Variants in RNF166 observed in about 807,000 individuals in gnomAD.
RNF166 encodes ring finger protein 166, also known as E3 ubiquitin-protein ligase RNF166.
RNF166 carries 19 observed loss-of-function variants against 29.4 expected under a neutral mutation model. The ratio of observed to expected loss-of-function variants is 0.65; its 90% CI spans 0.45 to 0.95. The LOEUF is 0.95. Among genes scored for constraint, RNF166 ranks in the 40% least tolerant of loss-of-function variants. RNF166 has a pLI of 0.00. For synonymous variants in RNF166, 171 were observed against 134.5 expected, an observed-to-expected ratio of 1.27 and a Z score of -1.88; for missense variants, 347 against 322.1, an observed-to-expected ratio of 1.08 and a Z score of -0.59.
At chr16:88,701,148 C>G (rs890442275) in intron 2 of RNF166, 114 bp downstream of exon 2, 6 of 1,380,746 alleles carry the variant, frequency 4.3e-6, no homozygotes, top group Middle Eastern at 2.4e-4. Flanking sequence ...GCAGAGACCG[C>G]GATTACTCAA....
rs1910018760 is a variant in RNF166, at chr16:88,699,738, A to T, written c.313-6T>A. The T allele has an allele frequency of 6.2e-7, 1 of 1,609,698 alleles. No individual in the cohort carries two copies. Among genetic ancestry groups the T allele is most frequent in the East Asian group, 2.2e-5 (1 of 44,768 alleles). ...CTCATCTTTGCCAGGGTCACCTAGG[A>T]GACAGGGCAGGGAGGGCAAGGCGGT... is the stretch of plus-strand genomic sequence containing the variant. On this transcript the variant is annotated splice_polypyrimidine_tract_variant and splice_region_variant and intron_variant, in intron 2 of 5. Coordinates refer to ENST00000312838, the MANE Select transcript of RNF166 (RefSeq NM_178841.4).
At chr16:88,699,803 C>G in intron 2 of RNF166, 71 bp from the exon 3 acceptor site, 2 of 1,101,218 alleles carry the variant, frequency 1.8e-6, no homozygotes, top group Non-Finnish European at 2.7e-6. Context: ...AGGCCGAGAC[C>G]TCAGGTGTCC....
At chr16:88,698,915 C>G (rs1909917366) in intron 4 of RNF166, 56 bp downstream of exon 4, 1 of 1,337,944 alleles carries the variant, frequency 7.5e-7, no homozygotes, top group Non-Finnish European at 1.0e-6. Flanking sequence ...GGGCCTTGTA[C>G]TGTCCCCCAC....
At chr16:88,698,366 ATG>A in intron 5 of RNF166, 134 bp downstream of exon 5, 1 of 755,892 alleles carries the variant, frequency 1.3e-6, no homozygotes, top group South Asian at 1.5e-5. Flanking sequence ...ACCTGGGGGA[ATG>A]TGGCCACCTG....
At chr16:88,703,816 A>T (rs45440295) in intron 1 of RNF166, 379,574 of 985,262 alleles carry the variant, frequency 0.39, 77,282 homozygotes, top group Non-Finnish European at 0.42. Context: ...TGGCCGCTGC[A>T]CAAGCTGAGA....
At chr16:88,700,701 G>C in intron 2 of RNF166, 3 of 987,580 alleles carry the variant, frequency 3.0e-6, no homozygotes, top group Non-Finnish European at 3.6e-6. Context: ...ATGTGCCAGG[G>C]AGGGCCACGG....
At chr16:88,702,580 A>T (rs1032289068) in intron 1 of RNF166, among the ~76,000 whole-genome samples, 1 of 152,160 alleles carries the variant, frequency 6.6e-6, no homozygotes, top group Admixed American at 6.5e-5. Context: ...AAAGGTGGCC[A>T]AGCAGGCATC....
intron 2 of RNF166, chr16:88,700,479 G>C (rs1910105034): frequency 2.4e-6 from 1 of 420,710 alleles, no homozygotes; most frequent in South Asian, 9.8e-5. Context: ...CACCACTCTG[G>C]AGTCCAGGGC....
rs778339042 is a variant in RNF166, at chr16:88,699,721, T to C, written c.324A>G (p.Ala108=). Residue 108 remains alanine, a synonymous_variant, in exon 3 of 6, where the codon GCA becomes GCG. Coordinates refer to ENST00000312838, the MANE Select transcript of RNF166 (RefSeq NM_178841.4). ...CRGCNKKVTL[A]KMRVHISSCL... ...AGGACGAAATGTGCACTCTCATCTT[T>C]GCCAGGGTCACCTAGGAGACAGGGC... The C allele has an allele frequency of 2.5e-6, 4 of 1,612,460 alleles. No individual in the cohort carries two copies. The highest frequency in any genetic ancestry group is 3.4e-6 in the Non-Finnish European group (4 of 1,179,472).
rs1909866368 is a variant in RNF166 at position 88,698,536 on chromosome 16, A to C, written c.614T>G (p.Leu205Arg). The C allele has an allele frequency of 3.2e-6, 5 of 1,574,768 alleles. 1 individual carries two copies. Among genetic ancestry groups the C allele is most frequent in the Non-Finnish European group, 2.6e-6 (3 of 1,159,862 alleles). ...GTCGTAGGAGAACTTGTGTCGGTGAAGCAGGTGCTGCAGGAAGTTGGCGCT... is the reference window on the plus strand; with the variant it reads ...GTCGTAGGAGAACTTGTGTCGGTGACGCAGGTGCTGCAGGAAGTTGGCGCT... Reference protein sequence around the residue: ...YKSANFLQHLLHRHKFSYDTF... With the variant: ...YKSANFLQHLRHRHKFSYDTF... Residue 205 changes from leucine (L) to arginine (R), a missense_variant, in exon 5 of 6, where the codon CTT becomes CGT. Leu to Arg is a moderately radical substitution (Grantham distance 102). Coordinates refer to ENST00000312838, the MANE Select transcript of RNF166 (RefSeq NM_178841.4).
intron 1 of RNF166, chr16:88,703,498 G>A (rs914302674): frequency 1.0e-5 from 10 of 985,334 alleles, no homozygotes; most frequent in East Asian, 1.1e-4. Context: ...CAGCCCGACT[G>A]GCAGGGCGGC....
chr16:88,703,526 AG>A, intron 1 of RNF166: 1 of 985,358 alleles, frequency 1.0e-6, no homozygotes, highest in Non-Finnish European at 1.2e-6. Flanking sequence ...GAGGAGCAGG[AG>A]GCAGAACGAG....
In RNF166 at chr16:88,698,483, G is replaced by A. The variant is rs1419934519; in HGVS notation, c.648+19C>T. On this transcript the variant is annotated intron_variant, in intron 5 of 5. Coordinates refer to ENST00000312838, the MANE Select transcript of RNF166 (RefSeq NM_178841.4). ...GATGAGGAGGGCGTGGGGGAGGACG[G>A]TGCTGGCGGGATGCCTACCACAAAG... The A allele has an allele frequency of 2.6e-6, 4 of 1,543,532 alleles. No homozygotes were observed. The highest frequency in any genetic ancestry group is 3.5e-6 in the Non-Finnish European group (4 of 1,138,306).
chr16:88,697,794 G>C, intron 5 of RNF166, 161 bp from the exon 6 acceptor site: 2 of 599,860 alleles, frequency 3.3e-6, no homozygotes, highest in South Asian at 4.0e-5. Flanking sequence ...GGGCCTGCAC[G>C]GTCCTCTGGG....
chr16:88,704,152 G>A (rs1910538601), intron 1 of RNF166: 2 of 985,496 alleles, frequency 2.0e-6, no homozygotes, highest in Non-Finnish European at 2.4e-6. Context: ...GGAGCTTGCG[G>A]AGGGGACAGA....
chr16:88,703,992 C>T (rs1184077513), intron 1 of RNF166: 1 of 985,354 alleles, frequency 1.0e-6, no homozygotes, highest in Non-Finnish European at 1.2e-6. Flanking sequence ...AGAGGTGGCT[C>T]ACTGCTCAGA....
intron 4 of RNF166, 23 bp from the exon 5 acceptor site, chr16:88,698,632 G>A (rs1909878796): frequency 1.3e-6 from 2 of 1,484,252 alleles, no homozygotes; most frequent in Non-Finnish European, 9.0e-7. Context: ...CTGGGGTCAA[G>A]CCGAGCCGGA....
chr16:88,704,335 A>G (rs1910553372), intron 1 of RNF166: 1 of 985,350 alleles, frequency 1.0e-6, no homozygotes, highest in Non-Finnish European at 1.2e-6. Context: ...TTTGAAAGGC[A>G]AAGGCTGTGT....
rs1311260724 is a variant in RNF166 at position 88,696,636 on chromosome 16, C to A, written c.*932G>T. The A allele has an allele frequency of 4.0e-5, 18 of 450,274 alleles. No individual in the cohort carries two copies. The highest frequency in any genetic ancestry group is 3.2e-4 in the African/African-American group (16 of 49,362). 27.9% of individuals were successfully genotyped at this position (450,274 alleles called of 1,614,324 possible). ...CTGCCCAGGCCCCCAAGCTCTGCCACCACTGGGGTGCCGTCCCCTCCCGCA... is the reference window on the plus strand; with the variant it reads ...CTGCCCAGGCCCCCAAGCTCTGCCAACACTGGGGTGCCGTCCCCTCCCGCA... On this transcript the variant is annotated 3_prime_UTR_variant, in exon 6 of 6. Coordinates refer to ENST00000312838, the MANE Select transcript of RNF166 (RefSeq NM_178841.4).
Sources: gnomAD v4.1 joint callset for allele counts (sites outside exome capture counted in the v4.1 genomes callset) on GRCh38, gnomAD v4.1.1 for gene constraint, MANE v1.5 for transcripts, NCBI Gene and HGNC (gene_info 2026-07-23, HGNC 2026-07-21) for gene names.